Variants in ROS1 observed in about 807,000 individuals in gnomAD.
ROS1 encodes the protein ROS proto-oncogene 1, receptor tyrosine kinase, also known as proto-oncogene tyrosine-protein kinase ROS.
In ROS1, 263 loss-of-function variants were observed where a neutral mutation model predicts 273.5. The ratio of observed to expected loss-of-function variants is 0.96; its 90% confidence interval spans 0.87 to 1.06. The LOEUF (loss-of-function observed/expected upper bound fraction) is 1.06. Ranked by LOEUF, ROS1 falls within the 50% of genes least tolerant of loss-of-function variation. The pLI is 0.00. For missense variants in ROS1, 2,833 were observed against 2,751.1 expected, an observed-to-expected ratio of 1.03 and a Z score of -0.67; for synonymous variants, 1,008 against 954.1, an observed-to-expected ratio of 1.06 and a Z score of -1.04.
rs973241242 is a variant in ROS1, at chr6:117,414,774, A to T, written c.229-229T>A. On this transcript the variant is annotated intron_variant, in intron 3 of 43. Transcript: ENST00000368507. The stretch of plus-strand genomic sequence containing the variant: ...TGCATCACTGGAAAAATGGGAGAAT[A>T]TGATGTCCACCAGAAAAATCTCAGC... Among the ~76,000 whole-genome samples, 3 of 152,388 alleles carry T rather than the reference A, an allele frequency of 2.0e-5. No individual in the cohort carries two copies. In the East Asian group the frequency reaches 5.8e-4, roughly 29 times the overall value.
chr6:117,313,844 C>T (rs1268329534), intron 39 of ROS1, among the ~76,000 whole-genome samples: 1 of 152,116 alleles, frequency 6.6e-6, no homozygotes, highest in Non-Finnish European at 1.5e-5. Context: ...GGGAGAGTAG[C>T]ATTTGTGATG....
At chr6:117,329,261 C>G in intron 33 of ROS1, 68 bp downstream of exon 33, 3 of 759,656 alleles carry the variant, frequency 3.9e-6, no homozygotes, top group Non-Finnish European at 6.7e-6. Context: ...AATAGTGTTA[C>G]TTTTGATTAC....
intron 32 of ROS1, among the ~76,000 whole-genome samples, chr6:117,333,258 A>G (rs1380688452): frequency 6.6e-6 from 1 of 152,194 alleles, no homozygotes; most frequent in Non-Finnish European, 1.5e-5. Flanking sequence ...GAAGAAATGG[A>G]TACATTCCTG....
At chr6:117,419,114 C>T (rs1301620529) in intron 1 of ROS1, among the ~76,000 whole-genome samples, 2 of 152,138 alleles carry the variant, frequency 1.3e-5, no homozygotes, top group African/African-American at 2.4e-5. Flanking sequence ...GATAAGTACC[C>T]ACATAGTGTT....
intron 26 of ROS1, 100 bp downstream of exon 26, chr6:117,356,529 G>A: frequency 9.7e-7 from 1 of 1,035,100 alleles, no homozygotes; most frequent in Non-Finnish European, 1.4e-6. Flanking sequence ...CAAATATCAT[G>A]TGTATATTTG....
At chr6:117,405,400 C>G (rs965658030) in intron 5 of ROS1, among the ~76,000 whole-genome samples, 3 of 152,174 alleles carry the variant, frequency 2.0e-5, no homozygotes, top group Non-Finnish European at 4.4e-5. Flanking sequence ...CCATTTTTGA[C>G]TATTATAACT....
At chr6:117,339,119 C>T (rs1236259554) in intron 31 of ROS1, among the ~76,000 whole-genome samples, 1 of 152,158 alleles carries the variant, frequency 6.6e-6, no homozygotes, top group Non-Finnish European at 1.5e-5. Context: ...GTCCAACTTT[C>T]AGCTTGTGGG....
chr6:117,389,377 T>G lies in ROS1; in HGVS notation c.1759A>C (p.Lys587Gln). Reference sequence around the variant, plus strand: ...GCTCCTATGGCAAGGGCAGGAGGCTTCCATTGAACAAGAGCCTGGTGAGAG... The same window carrying G: ...GCTCCTATGGCAAGGGCAGGAGGCTGCCATTGAACAAGAGCCTGGTGAGAG... ...FGSHQALVQW[K>Q]PPALAIGASP... Residue 587 changes from lysine (K) to glutamine (Q), a missense_variant, in exon 13 of 44, where the codon AAG becomes CAG. By Grantham distance (53) the Lys-to-Gln change is moderately conservative. Transcript: ENST00000368507. 1.2e-6 allele frequency: 2 copies of G among 1,613,958 alleles called. No homozygotes were observed. The highest frequency in any genetic ancestry group is 1.7e-6 in the Non-Finnish European group (2 of 1,179,946).
intron 17 of ROS1, 59 bp downstream of exon 17, chr6:117,383,257 AT>A: frequency 7.9e-7 from 1 of 1,270,296 alleles, no homozygotes; most frequent in Non-Finnish European, 1.1e-6. Context: ...GAGAGAAAGT[AT>A]TATCATAAAT....
At chr6:117,394,435 T>C in intron 10 of ROS1, 89 bp from the exon 11 acceptor site, 1 of 894,072 alleles carries the variant, frequency 1.1e-6, no homozygotes, top group Non-Finnish European at 1.5e-6. Flanking sequence ...ATTTAATGAT[T>C]AATAAATTAA....
chr6:117,288,502 C>T lies in ROS1; in HGVS notation c.7016G>A (p.Gly2339Glu), dbSNP rs371063080. 4 of 1,612,016 alleles carry T rather than the reference C, an allele frequency of 2.5e-6. No individual in the cohort carries two copies. In the African/African-American group the frequency reaches 5.4e-5, roughly 22 times the overall value. The change falls in exon 44 of 44, where the codon GGG becomes GAG. Residue 2339 changes from glycine (G) to glutamate (E), a missense_variant. By Grantham distance (98) the Gly-to-Glu change is moderately conservative. Transcript: ENST00000368507. ...ACLTHSGYGD[G>E]SD Reference sequence around the variant, plus strand: ...TCCCAAACAACGCTATTAATCAGACCCATCTCCATATCCACTGTGAGTGAG... The same window carrying T: ...TCCCAAACAACGCTATTAATCAGACTCATCTCCATATCCACTGTGAGTGAG...
chr6:117,346,114 T>C (rs1778352414), intron 27 of ROS1, among the ~76,000 whole-genome samples: 1 of 152,190 alleles, frequency 6.6e-6, no homozygotes, highest in Non-Finnish European at 1.5e-5. Flanking sequence ...GAGAATGGGA[T>C]ACACATGTGA....
intron 7 of ROS1, among the ~76,000 whole-genome samples, chr6:117,397,698 T>C (rs1484314706): frequency 6.6e-6 from 1 of 152,196 alleles, no homozygotes. Flanking sequence ...CTGACTGAGC[T>C]TCAGCACCCC....
At chr6:117,365,017 A>C (rs1406479649) in intron 21 of ROS1, 43 bp downstream of exon 21, 1 of 1,582,474 alleles carries the variant, frequency 6.3e-7, no homozygotes, top group Non-Finnish European at 8.6e-7. Flanking sequence ...GAAAAGTGAG[A>C]TTCTGCTTTT....
intron 39 of ROS1, among the ~76,000 whole-genome samples, chr6:117,312,124 C>A (rs1438191120): frequency 2.6e-5 from 4 of 152,120 alleles, no homozygotes; most frequent in Admixed American, 6.6e-5. Context: ...GCTTCCGTTA[C>A]ACTGGTCCGA....
chr6:117,409,510 G>A (rs17634067), intron 5 of ROS1, 72 bp downstream of exon 5: 112,755 of 1,059,136 alleles, frequency 0.11, 6,896 homozygotes, highest in Non-Finnish European at 0.12. Flanking sequence ...GAGGTGTTTC[G>A]TTATCTTTAC....
At chr6:117,357,671 T>C in intron 25 of ROS1, 133 bp downstream of exon 25, 1 of 617,710 alleles carries the variant, frequency 1.6e-6, no homozygotes, top group East Asian at 2.8e-5. Flanking sequence ...CTACTTACTA[T>C]AATATAGTGG....
At position 117,319,870 on chromosome 6, in the gene ROS1, T is replaced by C. The variant is rs377281534; in HGVS notation, c.5920A>G (p.Lys1974Glu). 1 of 1,612,548 alleles carries C rather than the reference T, an allele frequency of 6.2e-7. No homozygotes were observed. Among genetic ancestry groups the C allele is most frequent in the Non-Finnish European group, 8.5e-7 (1 of 1,178,968 alleles). Reference sequence around the variant, plus strand: ...AGGAGTTCGAAGATTCACATTACCTTCACTGCTACTTTGATTTCTCCACTT... The same window carrying C: ...AGGAGTTCGAAGATTCACATTACCTCCACTGCTACTTTGATTTCTCCACTT... ...VGSGEIKVAV[K>E]TLKKGSTDQE... Residue 1974 changes from lysine to glutamate, a missense_variant and splice_region_variant, in exon 37 of 44, where the codon AAG becomes GAG. Coordinates refer to ENST00000368507, the MANE Select transcript of ROS1 (RefSeq NM_001378902.1).
rs895992318 is a variant in ROS1 at position 117,404,516 on chromosome 6, A to G, written c.317-88T>C. On this transcript the variant is annotated intron_variant, in intron 5 of 43. Transcript: ENST00000368507. ...GCCTCTCTCATCTAGGGCTCTCCGT[A>G]TTCTCTTGCTAAAACTGCATCTTGC... 5.7e-6 allele frequency: 7 copies of G among 1,218,042 alleles called. No homozygotes were observed. In the African/African-American group the frequency reaches 1.1e-4, roughly 19 times the overall value. 75.5% of individuals were successfully genotyped at this position (1,218,042 alleles called of 1,614,324 possible).
Sources: allele counts gnomAD v4.1 joint callset (sites outside exome capture counted in the v4.1 genomes callset), GRCh38; gene constraint gnomAD v4.1.1; transcripts MANE v1.5; gene names NCBI Gene and HGNC (gene_info 2026-07-23, HGNC 2026-07-21).